Variants in SPRY3 observed in about 807,000 individuals in gnomAD.
SPRY3 encodes sprouty RTK signaling antagonist 3.
Under a neutral mutation model 20.2 loss-of-function variants are expected in SPRY3, and 15 were observed. That is an observed-to-expected ratio of 0.74 (90% confidence interval 0.50 to 1.14). The LOEUF (loss-of-function observed/expected upper bound fraction) is 1.14, where lower values mean the gene tolerates loss of function less well. Ranked by LOEUF, SPRY3 falls within the 50% of genes most tolerant of loss-of-function variation. SPRY3 has a pLI of 0.00. For missense variants in SPRY3, 364 were observed against 363.9 expected (o/e 1.00, Z 0.00); for synonymous variants, 143 against 136.5 (o/e 1.05, Z -0.33).
At chrX:155,631,070 C>T (rs948801069) in intron 1 of SPRY3, among the ~76,000 whole-genome samples, 10 of 110,778 alleles carry the variant, frequency 9.0e-5, no homozygotes, top group East Asian at 2.8e-4. Flanking sequence ...GTACCCAGTA[C>T]GTACCTTTTC....
Position 155,770,669 on chromosome X carries a change from A to G in SPRY3, c.-107+2533A>G, listed in dbSNP as rs755544015. On this transcript the variant is annotated intron_variant, in intron 3 of 3. Transcript: ENST00000675360. ...CTCTCTCTCTCTCATTTGATAGACT[A>G]TGGAATTGGCCAACTGCACAGTTTC... is the stretch of plus-strand genomic sequence containing the variant. 6.0e-5 allele frequency among the ~76,000 whole-genome samples: 9 copies of G among 151,204 alleles called. No individual in the cohort carries two copies. In the East Asian group the frequency reaches 1.8e-3, roughly 30 times the overall value.
At chrX:155,705,583 A>C (rs1275386705) in intron 2 of SPRY3, among the ~76,000 whole-genome samples, 1 of 151,418 alleles carries the variant, frequency 6.6e-6, no homozygotes, top group Non-Finnish European at 1.5e-5. Flanking sequence ...GGATTTAAAA[A>C]TAATCAAGAC....
intron 1 of SPRY3, among the ~76,000 whole-genome samples, chrX:155,656,060 T>C (rs1262113102): frequency 9.0e-6 from 1 of 111,705 alleles, no homozygotes; most frequent in Non-Finnish European, 1.9e-5. Flanking sequence ...TTGGGGAATC[T>C]GACAATTATG....
At chrX:155,721,074 T>A (rs1473711930) in intron 2 of SPRY3, among the ~76,000 whole-genome samples, 1 of 152,158 alleles carries the variant, frequency 6.6e-6, no homozygotes, top group African/African-American at 2.4e-5. Context: ...TTATATCAGA[T>A]AAACTTAACA....
intron 3 of SPRY3, among the ~76,000 whole-genome samples, chrX:155,772,441 G>C (rs1483774282): frequency 1.3e-5 from 2 of 152,104 alleles, no homozygotes; most frequent in African/African-American, 4.8e-5. Flanking sequence ...ACTCATTCAA[G>C]CTATCCATCA....
downstream of SPRY3, chrX:155,781,001 AC>A (rs1345792273): frequency 6.3e-6 from 1 of 159,292 alleles, no homozygotes; most frequent in Non-Finnish European, 1.5e-5. Flanking sequence ...ACTTATATCA[AC>A]ACTCTTCTTT....
At chrX:155,672,101 G>A (rs376472833) in intron 2 of SPRY3, among the ~76,000 whole-genome samples, 1 of 111,555 alleles carries the variant, frequency 9.0e-6, no homozygotes, top group Non-Finnish European at 1.9e-5. Flanking sequence ...GCTTTGTTCT[G>A]TTGGCTTAGG....
At chrX:155,745,526 T>C (rs1221050157) in intron 2 of SPRY3, among the ~76,000 whole-genome samples, 4 of 152,032 alleles carry the variant, frequency 2.6e-5, no homozygotes, top group Admixed American at 6.6e-5. Context: ...TGGGAGACCT[T>C]ATTGTTCTAA....
chrX:155,650,943 A>T (rs1380369403), intron 1 of SPRY3, among the ~76,000 whole-genome samples: 1 of 112,143 alleles, frequency 8.9e-6, no homozygotes, highest in Non-Finnish European at 1.9e-5. Context: ...TTTCAGGGGC[A>T]TGTGGTAATT....
chrX:155,642,485 C>G (rs2067945211), intron 1 of SPRY3, among the ~76,000 whole-genome samples: 1 of 109,898 alleles, frequency 9.1e-6, no homozygotes, highest in Non-Finnish European at 1.9e-5. Context: ...GTTTCTTTAT[C>G]CTCACATTTT....
chrX:155,685,759 C>T (rs2124570182), intron 2 of SPRY3, among the ~76,000 whole-genome samples: 1 of 97,843 alleles, frequency 1.0e-5, no homozygotes, highest in Admixed American at 1.1e-4. Flanking sequence ...TTTTTTATAG[C>T]TGCATAGTAT....
rs776060177 is a variant in SPRY3, at chrX:155,682,841, G to A, written c.-282+25816G>A. Among the ~76,000 whole-genome samples, 8 of 111,970 alleles carry A rather than the reference G, an allele frequency of 7.1e-5. No homozygotes were observed. In the South Asian group the frequency reaches 3.0e-3, roughly 42 times the overall value. On this transcript the variant is annotated intron_variant, in intron 2 of 3. Transcript: ENST00000675360. ...TTTGGAAATATTCAACATTCTAGAT[G>A]GCATAAAGAATATTCACGATTCATG... is the stretch of plus-strand genomic sequence containing the variant.
intron 1 of SPRY3, among the ~76,000 whole-genome samples, chrX:155,622,235 C>T (rs1174303285): frequency 3.6e-5 from 4 of 112,212 alleles, no homozygotes; most frequent in Non-Finnish European, 7.5e-5. Context: ...AATATCACTG[C>T]TTTTGGAAAA....
intron 1 of SPRY3, among the ~76,000 whole-genome samples, chrX:155,625,859 T>C (rs1362883798): frequency 9.0e-6 from 1 of 111,681 alleles, no homozygotes; most frequent in Non-Finnish European, 1.9e-5. Context: ...TCACTGAGCA[T>C]AATGTTTTTA....
chrX:155,718,152 G>A (rs2091034474), intron 2 of SPRY3, among the ~76,000 whole-genome samples: 2 of 151,730 alleles, frequency 1.3e-5, no homozygotes, highest in Admixed American at 1.3e-4. Flanking sequence ...GCCCTGTAAT[G>A]TCCAGTTAAT....
At chrX:155,655,966 A>G (rs1557352969) in intron 1 of SPRY3, among the ~76,000 whole-genome samples, 1 of 112,078 alleles carries the variant, frequency 8.9e-6, no homozygotes, top group African/African-American at 3.2e-5. Flanking sequence ...ATTTCTCCAG[A>G]GACATTCACT....
At chrX:155,734,377 C>G (rs1350981861) in intron 2 of SPRY3, among the ~76,000 whole-genome samples, 1 of 151,946 alleles carries the variant, frequency 6.6e-6, no homozygotes, top group Non-Finnish European at 1.5e-5. Flanking sequence ...ACACACACAA[C>G]ATTGATCAGT....
At chrX:155,726,912 G>A (rs1236388043) in intron 2 of SPRY3, among the ~76,000 whole-genome samples, 1 of 152,164 alleles carries the variant, frequency 6.6e-6, no homozygotes, top group Non-Finnish European at 1.5e-5. Flanking sequence ...TTTCTTCATA[G>A]CATCAATGGT....
chrX:155,759,340 A>T (rs779338637), intron 2 of SPRY3, among the ~76,000 whole-genome samples: 1 of 152,158 alleles, frequency 6.6e-6, no homozygotes, highest in East Asian at 1.9e-4. Context: ...ATATTTAAAT[A>T]TCACTTTTTC....
Sources: gnomAD v4.1 joint callset for allele counts (sites outside exome capture counted in the v4.1 genomes callset) on GRCh38, gnomAD v4.1.1 for gene constraint, MANE v1.5 for transcripts, NCBI Gene and HGNC (gene_info 2026-07-23, HGNC 2026-07-21) for gene names.